FNDC3A: variants seen among roughly 807,000 people sequenced by gnomAD.
FNDC3A encodes the protein fibronectin type-III domain-containing protein 3A.
In FNDC3A, 32 loss-of-function variants were observed where a neutral mutation model predicts 148.9. The observed-to-expected ratio is 0.21, with a 90% CI of 0.16 to 0.29. The LOEUF (loss-of-function observed/expected upper bound fraction) is 0.29, where lower values mean the gene tolerates loss of function less well. FNDC3A is among the 10% of genes least tolerant of loss of function. The probability of loss-of-function intolerance (pLI) is 1.00; values close to 1 mark genes in which losing one functional copy is unlikely to be tolerated. For synonymous variants in FNDC3A, 472 were observed against 473.6 expected (o/e 1.00, Z 0.04); for missense variants, 1,191 against 1,452.8 (o/e 0.82, Z 2.93).
intron 24 of FNDC3A, 82 bp downstream of exon 24, chr13:49,202,048 T>C: frequency 2.1e-6 from 2 of 960,118 alleles, no homozygotes; most frequent in Non-Finnish European, 2.9e-6. Flanking sequence ...TTTACTGATA[T>C]TAAAATTTAG....
chr13:49,112,945 A>C (rs529238844), intron 3 of FNDC3A, among the ~76,000 whole-genome samples: 1 of 152,196 alleles, frequency 6.6e-6, no homozygotes, highest in African/African-American at 2.4e-5. Context: ...TTTCACAGCC[A>C]GATATTATAT....
intron 2 of FNDC3A, among the ~76,000 whole-genome samples, chr13:49,050,933 A>C (rs1252599709): frequency 6.6e-6 from 1 of 151,966 alleles, no homozygotes; most frequent in Non-Finnish European, 1.5e-5. Context: ...GTTGCTTTGA[A>C]GTTTGTTTTG....
intron 3 of FNDC3A, chr13:49,110,475 C>A: frequency 1.9e-6 from 2 of 1,058,116 alleles, no homozygotes; most frequent in South Asian, 1.3e-5. Context: ...AATCTAAAGT[C>A]ATGCCGTGTG....
intron 3 of FNDC3A, among the ~76,000 whole-genome samples, chr13:49,097,864 G>A (rs1879631068): frequency 6.6e-6 from 1 of 152,080 alleles, no homozygotes. Context: ...CAAAGAAGAA[G>A]TGACTATTGG....
chr13:49,068,410 GGATCACAAAGGAGATCAA>G (rs1310371209), intron 2 of FNDC3A, among the ~76,000 whole-genome samples: 1 of 151,940 alleles, frequency 6.6e-6, no homozygotes. Context: ...AACAGTTGTT[GGATCACAAAGGAGATCAA>G]GAACAAAATA....
chr13:49,083,663 C>T (rs7331917), intron 3 of FNDC3A, among the ~76,000 whole-genome samples: 49,308 of 151,994 alleles, frequency 0.32, 8,115 homozygotes, highest in South Asian at 0.48. Flanking sequence ...CCTCGTGATC[C>T]ACCCGCCTCG....
chr13:49,034,529 C>T lies in FNDC3A; in HGVS notation c.99+28240C>T, dbSNP rs556664946. ...AACTTATTTTGACTTGATCCTATTA[C>T]GTTGTGAGATACTGTCCTAATTGTT... On this transcript the variant is annotated intron_variant, in intron 2 of 25. Transcript: ENST00000492622. 1.4e-3 allele frequency among the ~76,000 whole-genome samples: 210 copies of T among 152,052 alleles called. 1 individual carries two copies. The highest frequency in any genetic ancestry group is 8.9e-3 in the South Asian group (43 of 4,826).
chr13:48,976,610 G>C (rs1951606133), intron 1 of FNDC3A: 1 of 152,292 alleles, frequency 6.6e-6, no homozygotes, highest in Admixed American at 6.5e-5. Context: ...GCGGGGGCTG[G>C]GGCGGAATCC....
intron 2 of FNDC3A, among the ~76,000 whole-genome samples, chr13:49,074,406 C>T (rs1035304063): frequency 6.6e-6 from 1 of 152,118 alleles, no homozygotes; most frequent in African/African-American, 2.4e-5. Context: ...AGTTTAGCAA[C>T]AAGCACCAAA....
intron 25 of FNDC3A, among the ~76,000 whole-genome samples, chr13:49,203,943 C>G (rs902517857): frequency 6.6e-6 from 1 of 152,064 alleles, no homozygotes; most frequent in Non-Finnish European, 1.5e-5. Context: ...TTTTACTCCA[C>G]GTGAAATGAG....
intron 2 of FNDC3A, among the ~76,000 whole-genome samples, chr13:49,055,549 C>T (rs1259695446): frequency 6.6e-6 from 1 of 152,130 alleles, no homozygotes; most frequent in East Asian, 1.9e-4. Context: ...TCTCTGAAGC[C>T]TGCTACCTGG....
chr13:49,102,862 TATCTC>T (rs1478329940), intron 3 of FNDC3A, among the ~76,000 whole-genome samples: 5 of 152,150 alleles, frequency 3.3e-5, no homozygotes, highest in African/African-American at 1.2e-4. Context: ...TTTGTAATAT[TATCTC>T]AGATATTTTG....
intron 2 of FNDC3A, among the ~76,000 whole-genome samples, chr13:49,032,771 G>T (rs565186837): frequency 3.0e-4 from 45 of 152,186 alleles, no homozygotes; most frequent in African/African-American, 1.0e-3. Context: ...TCTTTTTGAG[G>T]TGATAAGAAT....
Position 49,065,559 on chromosome 13 carries a change from A to G in FNDC3A, c.100-9730A>G, listed in dbSNP as rs115211746. ...ATATCAGCCTAGAACAAGATATACT[A>G]CATTGTTGGATTTCAGTAAATTTTT... is the stretch of plus-strand genomic sequence containing the variant. On this transcript the variant is annotated intron_variant, in intron 2 of 25. Transcript: ENST00000492622. Among the ~76,000 whole-genome samples, 1,460 of 152,284 alleles carry G rather than the reference A, an allele frequency of 9.6e-3. 15 individuals carry two copies. The highest frequency in any genetic ancestry group is 0.023 in the African/African-American group (949 of 41,562).
intron 10 of FNDC3A, among the ~76,000 whole-genome samples, chr13:49,170,814 G>A (rs952798079): frequency 6.6e-6 from 1 of 152,156 alleles, no homozygotes; most frequent in African/African-American, 2.4e-5. Flanking sequence ...AGAAAAGCTA[G>A]AGGATCAGTC....
intron 2 of FNDC3A, among the ~76,000 whole-genome samples, chr13:49,051,218 T>C (rs1875818385): frequency 6.6e-6 from 1 of 152,104 alleles, no homozygotes. Context: ...CTTGGGTTTT[T>C]GTTTTGTTTT....
chr13:49,203,950 T>C (rs1034465923), intron 25 of FNDC3A, among the ~76,000 whole-genome samples: 3 of 152,146 alleles, frequency 2.0e-5, no homozygotes, highest in African/African-American at 7.2e-5. Flanking sequence ...CCACGTGAAA[T>C]GAGAAGACAG....
intron 15 of FNDC3A, 64 bp from the exon 16 acceptor site, chr13:49,187,058 G>T (rs1043414662): frequency 1.9e-5 from 24 of 1,252,116 alleles, no homozygotes; most frequent in Middle Eastern, 2.3e-4. Flanking sequence ...TGTTTATTAG[G>T]TTTTTTTTAT....
intron 8 of FNDC3A, among the ~76,000 whole-genome samples, chr13:49,161,922 T>C (rs1884153278): frequency 1.3e-5 from 2 of 152,226 alleles, no homozygotes; most frequent in Non-Finnish European, 2.9e-5. Context: ...TTTAAGAATG[T>C]TGAATATTGG....
Sources: allele counts gnomAD v4.1 joint callset (sites outside exome capture counted in the v4.1 genomes callset), GRCh38; gene constraint gnomAD v4.1.1; transcripts MANE v1.5; gene names NCBI Gene and HGNC (gene_info 2026-07-23, HGNC 2026-07-21).